Variants in MROH1 observed in about 807,000 individuals in gnomAD.
MROH1 encodes maestro heat-like repeat-containing protein family member 1.
In MROH1, 117 loss-of-function variants were observed where a neutral mutation model predicts 116.5. That is an observed-to-expected ratio of 1.00 (90% CI 0.86 to 1.17). The LOEUF is 1.17. Among genes scored for constraint, MROH1 ranks in the 50% most tolerant of loss-of-function variants. The pLI is 0.00. For missense variants in MROH1, 1,873 were observed against 1,338.5 expected (o/e 1.40, Z -6.23); for synonymous variants, 921 against 583.9 (o/e 1.58, Z -8.32).
At chr8:144,249,704 C>G (rs1025431697) in intron 32 of MROH1, among the ~76,000 whole-genome samples, 27 of 35,266 alleles carry the variant, frequency 7.7e-4, no homozygotes, top group South Asian at 5.3e-3. Flanking sequence ...AACTCACAGC[C>G]CCCCCCAAGT....
intron 10 of MROH1, among the ~76,000 whole-genome samples, chr8:144,196,502 G>A (rs1317259205): frequency 3.3e-5 from 5 of 150,836 alleles, no homozygotes; most frequent in South Asian, 4.2e-4. Context: ...GATTACAGGC[G>A]CATGCTATGA....
At chr8:144,148,487 G>A (rs1408839259) in intron 1 of MROH1, among the ~76,000 whole-genome samples, 3 of 152,024 alleles carry the variant, frequency 2.0e-5, no homozygotes, top group Non-Finnish European at 2.9e-5. Flanking sequence ...GTGGTCCCCG[G>A]CCCTTCTCCC....
intron 13 of MROH1, 32 bp from the exon 14 acceptor site, chr8:144,223,076 C>T: frequency 1.2e-6 from 2 of 1,612,566 alleles, no homozygotes; most frequent in Non-Finnish European, 1.7e-6. Context: ...CTCTGCGTCC[C>T]CTTCCTGATC....
intron 10 of MROH1, among the ~76,000 whole-genome samples, chr8:144,198,545 G>A (rs1389963352): frequency 6.6e-6 from 1 of 152,184 alleles, no homozygotes; most frequent in Admixed American, 6.6e-5. Flanking sequence ...AGCCTCCTGA[G>A]TAGCTGGGAC....
chr8:144,239,069 CT>C lies in MROH1; in HGVS notation c.1482del (p.Val495CysfsTer7). 1.3e-6 allele frequency: 1 copy of C among 778,024 alleles called. No homozygotes were observed. The allele number at this position is 778,024 out of a possible 1,614,324, so 48.2% of individuals were successfully genotyped here. A position where few individuals can be genotyped will look rare whatever the true frequency, so the allele number is the denominator to read the frequency against. ...CCATACCTGCTCCAGTTCCTCACCC[CT>C]GTGCGCTTCACTGGGGCCCTGACTC... The part of the protein sequence containing the change: ...LWPYLLQFLT[P>X]VRFTGALTPL... On this transcript the variant is annotated frameshift_variant, in exon 16 of 44. Coordinates refer to ENST00000326134, the MANE Select transcript of MROH1 (RefSeq NM_032450.3). LOFTEE classifies it high-confidence loss of function.
chr8:144,243,686 G>C (rs1430377597), intron 25 of MROH1, 70 bp downstream of exon 25: 8 of 772,032 alleles, frequency 1.0e-5, no homozygotes, highest in Non-Finnish European at 1.9e-5. Context: ...GGTGGGGACT[G>C]GGGCACTGAG....
chr8:144,186,485 G>T (rs1275504260), intron 7 of MROH1, among the ~76,000 whole-genome samples: 1 of 152,108 alleles, frequency 6.6e-6, no homozygotes, highest in African/African-American at 2.4e-5. Flanking sequence ...CTCACTCAGG[G>T]TCTGCCCTCC....
intron 2 of MROH1, 48 bp downstream of exon 2, chr8:144,161,137 C>A (rs1186745025): frequency 1.3e-5 from 2 of 152,534 alleles, no homozygotes; most frequent in Non-Finnish European, 1.5e-5. Flanking sequence ...TCTTCTGTCT[C>A]TTCTCTTTGA....
chr8:144,192,284 G>A (rs772647346), intron 9 of MROH1, 25 bp from the exon 10 acceptor site: 25 of 1,558,066 alleles, frequency 1.6e-5, no homozygotes, highest in Middle Eastern at 4.6e-4. Context: ...TAGGACTGAC[G>A]GCCTCTTCTC....
intron 1 of MROH1, among the ~76,000 whole-genome samples, chr8:144,156,549 A>C (rs1287766038): frequency 2.0e-5 from 3 of 151,512 alleles, no homozygotes; most frequent in Non-Finnish European, 4.4e-5. Flanking sequence ...TCTCCTAAAA[A>C]AATACAAAAA....
At chr8:144,222,360 G>A (rs573076821) in intron 13 of MROH1, among the ~76,000 whole-genome samples, 1 of 152,260 alleles carries the variant, frequency 6.6e-6, no homozygotes, top group South Asian at 2.1e-4. Context: ...AGCAGGGGAG[G>A]GAGGCAAAGG....
At chr8:144,215,296 G>A (rs1049015633) in intron 12 of MROH1, among the ~76,000 whole-genome samples, 2 of 152,160 alleles carry the variant, frequency 1.3e-5, no homozygotes, top group African/African-American at 2.4e-5. Flanking sequence ...TTTGAACACT[G>A]ACATCATGAT....
intron 33 of MROH1, chr8:144,251,861 A>G (rs1262820869): frequency 6.0e-6 from 1 of 165,846 alleles, no homozygotes; most frequent in Non-Finnish European, 1.3e-5. Context: ...CGCCACCACT[A>G]GAGGTTTTGG....
At position 144,258,772 on chromosome 8, in the gene MROH1, T is replaced by C; in HGVS notation, c.3792-5T>C. ...TACCAGCTGAGCACCCTGGCAATCC[T>C]GCAGCTCTGCAGTGGACACCCTGCG... On this transcript the variant is annotated splice_region_variant and splice_polypyrimidine_tract_variant and intron_variant, in intron 35 of 43. Coordinates refer to ENST00000326134, the MANE Select transcript of MROH1 (RefSeq NM_032450.3). 1.3e-6 allele frequency: 1 copy of C among 765,694 alleles called. No individual in the cohort carries two copies. The highest frequency in any genetic ancestry group is 2.4e-6 in the Non-Finnish European group (1 of 413,068). 47.4% of individuals were successfully genotyped at this position (765,694 alleles called of 1,614,324 possible).
At chr8:144,257,082 C>T (rs946591095) in intron 35 of MROH1, among the ~76,000 whole-genome samples, 1 of 152,226 alleles carries the variant, frequency 6.6e-6, no homozygotes, top group Non-Finnish European at 1.5e-5. Flanking sequence ...GTGTCAAGGG[C>T]ATCTCCCAGG....
Position 144,248,290 on chromosome 8 carries a change from T to A in MROH1, c.3121-587T>A, listed in dbSNP as rs949316601. Among the ~76,000 whole-genome samples the A allele has an allele frequency of 2.6e-3, 397 of 152,248 alleles. 3 individuals carry two copies. The highest frequency in any genetic ancestry group is 9.1e-3 in the African/African-American group (376 of 41,540). On this transcript the variant is annotated intron_variant, in intron 31 of 43. Transcript: ENST00000326134. ...AACACAAGCTTGAGTATTATTAAAG[T>A]ATTGCATTACGGGGGGGAAAAAAAG...
At chr8:144,206,018 A>G (rs1205650910) in intron 12 of MROH1, among the ~76,000 whole-genome samples, 1 of 152,188 alleles carries the variant, frequency 6.6e-6, no homozygotes, top group Non-Finnish European at 1.5e-5. Context: ...ATTTATTTTC[A>G]GCTAACACCT....
intron 35 of MROH1, among the ~76,000 whole-genome samples, chr8:144,257,374 T>C (rs1259868757): frequency 4.6e-5 from 7 of 152,122 alleles, no homozygotes; most frequent in Non-Finnish European, 7.4e-5. Flanking sequence ...GCACACCCCA[T>C]GGGGACAGTG....
intron 31 of MROH1, 85 bp downstream of exon 31, chr8:144,247,764 C>G: frequency 1.4e-6 from 1 of 701,204 alleles, no homozygotes; most frequent in Non-Finnish European, 2.6e-6. Context: ...CCTGGCCTCC[C>G]CTAGCCTCTG....
Sources: gnomAD v4.1 joint callset for allele counts (sites outside exome capture counted in the v4.1 genomes callset) on GRCh38, gnomAD v4.1.1 for gene constraint, MANE v1.5 for transcripts, NCBI Gene and HGNC (gene_info 2026-07-23, HGNC 2026-07-21) for gene names.